LINGO2: variants seen among roughly 807,000 people sequenced by gnomAD.
LINGO2 encodes leucine-rich repeat and immunoglobulin-like domain-containing nogo receptor-interacting protein 2.
Under a neutral mutation model 30.6 loss-of-function variants are expected in LINGO2, and 14 were observed. That is an observed-to-expected ratio of 0.46 (90% CI 0.30 to 0.72). The LOEUF is 0.72. LINGO2 is among the 30% of genes least tolerant of loss of function. The pLI is 0.07. For synonymous variants in LINGO2, 317 were observed against 288.5 expected (o/e 1.10, Z -1.00); for missense variants, 729 against 751.7 (o/e 0.97, Z 0.35).
chr9:28,958,840 G>A, the LINGO2 span, among the ~76,000 whole-genome samples: 162 of 152,096 alleles, frequency 1.1e-3, 4 homozygotes, highest in East Asian at 0.022. Flanking sequence ...TCCAAGGAAG[G>A]AGCCTCAGTC....
the LINGO2 span, among the ~76,000 whole-genome samples, chr9:28,719,655 T>G: frequency 6.6e-6 from 1 of 152,048 alleles, no homozygotes; most frequent in Non-Finnish European, 1.5e-5. Context: ...TATTGAAAAT[T>G]CATTCTTCTT....
intron 4 of LINGO2, among the ~76,000 whole-genome samples, chr9:28,024,816 T>G (rs1160605181): frequency 6.6e-6 from 1 of 152,142 alleles, no homozygotes; most frequent in Non-Finnish European, 1.5e-5. Flanking sequence ...TTCCCCGACG[T>G]GGAGCCAAAT....
At chr9:28,080,907 C>T (rs1270922414) in intron 4 of LINGO2, 1 of 152,186 alleles carries the variant, frequency 6.6e-6, no homozygotes, top group Admixed American at 6.5e-5. Flanking sequence ...GCTTGACGTT[C>T]TGAAGTGAAA....
rs1169707153 is a variant in LINGO2 at position 28,449,824 on chromosome 9, T to G, written c.-279+26116A>C. Among the ~76,000 whole-genome samples the G allele has an allele frequency of 2.0e-5, 3 of 152,060 alleles. No homozygotes were observed. In the East Asian group the frequency reaches 5.8e-4, roughly 29 times the overall value. On this transcript the variant is annotated intron_variant, in intron 2 of 5. Transcript: ENST00000379992. The stretch of plus-strand genomic sequence containing the variant: ...TGAGACTGACTGTACAGAAGTAAAC[T>G]TGGTGACACCATCCACTGAGACTTG...
chr9:27,962,181 A>G (rs1401011459), intron 5 of LINGO2, among the ~76,000 whole-genome samples: 1 of 152,122 alleles, frequency 6.6e-6, no homozygotes, highest in African/African-American at 2.4e-5. Context: ...TTCGTTTTTG[A>G]ATTGACGGTA....
chr9:28,306,825 G>A (rs147007521), intron 3 of LINGO2, among the ~76,000 whole-genome samples: 1 of 152,102 alleles, frequency 6.6e-6, no homozygotes, highest in East Asian at 1.9e-4. Context: ...ACTAGAAAAT[G>A]TAGAAGAAAT....
At chr9:28,723,197 G>A in the LINGO2 span, among the ~76,000 whole-genome samples, 1 of 152,100 alleles carries the variant, frequency 6.6e-6, no homozygotes, top group Admixed American at 6.6e-5. Flanking sequence ...GTAAATGTTA[G>A]GTAGGACCTG....
At chr9:28,229,697 T>C (rs1398866751) in intron 4 of LINGO2, among the ~76,000 whole-genome samples, 1 of 151,790 alleles carries the variant, frequency 6.6e-6, no homozygotes, top group African/African-American at 2.4e-5. Context: ...TAGAAATATA[T>C]AGTTAGCAGG....
chr9:28,377,377 T>C (rs12551002), intron 2 of LINGO2, among the ~76,000 whole-genome samples: 3,179 of 152,298 alleles, frequency 0.021, 43 homozygotes, highest in East Asian at 0.043. Flanking sequence ...TAACACCTTC[T>C]TTCCTGCAGT....
At chr9:29,064,637 T>A in the LINGO2 span, among the ~76,000 whole-genome samples, 1 of 151,992 alleles carries the variant, frequency 6.6e-6, no homozygotes, top group Non-Finnish European at 1.5e-5. Context: ...GAAAAGTACA[T>A]AATAATAATT....
the LINGO2 span, among the ~76,000 whole-genome samples, chr9:29,183,280 A>T: frequency 2.1e-4 from 32 of 152,296 alleles, no homozygotes; most frequent in South Asian, 6.4e-3. Context: ...TTGAATGAAA[A>T]AATTAACCAG....
At chr9:28,810,937 T>C in the LINGO2 span, among the ~76,000 whole-genome samples, 3 of 152,146 alleles carry the variant, frequency 2.0e-5, no homozygotes, top group African/African-American at 7.2e-5. Flanking sequence ...ACTTTCTCCT[T>C]AGGTGACTTC....
At chr9:28,312,893 T>C (rs1255437403) in intron 3 of LINGO2, among the ~76,000 whole-genome samples, 1 of 152,112 alleles carries the variant, frequency 6.6e-6, no homozygotes, top group Non-Finnish European at 1.5e-5. Context: ...AAGGAAAACT[T>C]GACCTTCTTG....
chr9:28,512,970 A>T (rs1472467653), intron 1 of LINGO2, among the ~76,000 whole-genome samples: 1 of 151,760 alleles, frequency 6.6e-6, no homozygotes, highest in African/African-American at 2.4e-5. Context: ...TCTGCCTTCC[A>T]CAGCCCACTG....
At chr9:28,313,186 C>T (rs1457462221) in intron 3 of LINGO2, among the ~76,000 whole-genome samples, 2 of 152,128 alleles carry the variant, frequency 1.3e-5, no homozygotes, top group Admixed American at 6.5e-5. Context: ...ATATCATTGG[C>T]TAATACATAA....
At chr9:29,026,559 G>T in the LINGO2 span, among the ~76,000 whole-genome samples, 8 of 151,744 alleles carry the variant, frequency 5.3e-5, no homozygotes, top group South Asian at 1.7e-3. Context: ...AGAAAAAACA[G>T]TATAGATATT....
At chr9:28,224,271 A>G (rs914083785) in intron 4 of LINGO2, among the ~76,000 whole-genome samples, 3 of 152,110 alleles carry the variant, frequency 2.0e-5, no homozygotes, top group South Asian at 2.1e-4. Flanking sequence ...TCACCGTGTT[A>G]GCCAGGATGG....
intron 3 of LINGO2, among the ~76,000 whole-genome samples, chr9:28,371,642 G>A (rs1443195277): frequency 9.9e-5 from 15 of 152,134 alleles, no homozygotes; most frequent in Non-Finnish European, 1.9e-4. Context: ...TCACTGCAGG[G>A]CTACGCTGTA....
At chr9:28,960,601 G>A in the LINGO2 span, among the ~76,000 whole-genome samples, 1 of 31,620 alleles carries the variant, frequency 3.2e-5, no homozygotes, top group African/African-American at 7.3e-5. Context: ...ATTTGTGAGT[G>A]ATAAGAAATA....
Sources: gnomAD v4.1 joint callset for allele counts (sites outside exome capture counted in the v4.1 genomes callset) on GRCh38, gnomAD v4.1.1 for gene constraint, MANE v1.5 for transcripts, NCBI Gene and HGNC (gene_info 2026-07-23, HGNC 2026-07-21) for gene names.